Variants in CST4 observed in about 807,000 individuals in gnomAD.
The protein encoded by CST4 is cystatin-S.
CST4 carries 17 observed loss-of-function variants against 11.2 expected under a neutral mutation model. The ratio of observed to expected loss-of-function variants is 1.52; its 90% CI spans 1.04 to 2.27. CST4 has a LOEUF of 2.27. Ranked by LOEUF, CST4 falls within the 30% of genes most tolerant of loss-of-function variation. CST4 has a pLI of 0.00. For missense variants in CST4, 251 were observed against 180.2 expected (o/e 1.39, Z -2.25); for synonymous variants, 93 against 70.1 (o/e 1.33, Z -1.63).
rs1268946547 is a variant in CST4, at chr20:23,688,243, GGCCTGCAGGGGTGGGTCA to G, written c.228+481_228+498del. Among the ~76,000 whole-genome samples, 14 of 152,228 alleles carry G rather than the reference GGCCTGCAGGGGTGGGTCA, an allele frequency of 9.2e-5. 1 individual carries two copies. Among genetic ancestry groups the G allele is most frequent in the African/African-American group, 3.4e-4 (14 of 41,472 alleles). Reference sequence around the variant, plus strand: ...ACCCCAGCAGGGACTCAGCCATCCTGGCCTGCAGGGGTGGGTCAGCCTGCCTGAGGGTGAAGGCCACTA... The same window carrying G: ...ACCCCAGCAGGGACTCAGCCATCCTGGCCTGCCTGAGGGTGAAGGCCACTA... On this transcript the variant is annotated intron_variant, in intron 1 of 2. Transcript: ENST00000217423.
chr20:23,687,513 C>T (rs1316941252), intron 1 of CST4, among the ~76,000 whole-genome samples: 3 of 152,174 alleles, frequency 2.0e-5, no homozygotes, highest in Admixed American at 6.5e-5. Flanking sequence ...AGCTAACTCA[C>T]GAAAATCTTA....
chr20:23,686,809 C>T (rs1490132370), intron 2 of CST4, among the ~76,000 whole-genome samples: 1 of 152,072 alleles, frequency 6.6e-6, no homozygotes, highest in Non-Finnish European at 1.5e-5. Flanking sequence ...ATGTACAAAC[C>T]CCCATACTTC....
At position 23,685,880 on chromosome 20, in the gene CST4, C is replaced by T. The variant is rs1356292213; in HGVS notation, c.*14G>A. On this transcript the variant is annotated 3_prime_UTR_variant, in exon 3 of 3. Transcript: ENST00000217423. Reference sequence around the variant, plus strand: ...AGTGGGTGGTGGTCGGTGTGACTGGCCTGGCACAGACCCCTAGGCTTCTTG... The same window carrying T: ...AGTGGGTGGTGGTCGGTGTGACTGGTCTGGCACAGACCCCTAGGCTTCTTG... 2 of 1,613,480 alleles carry T rather than the reference C, an allele frequency of 1.2e-6. No homozygotes were observed. The highest frequency in any genetic ancestry group is 1.3e-5 in the African/African-American group (1 of 74,902).
chr20:23,686,961 T>C (rs1223037396), intron 2 of CST4, 127 bp downstream of exon 2: 15 of 924,790 alleles, frequency 1.6e-5, no homozygotes, highest in Non-Finnish European at 2.6e-5. Flanking sequence ...TACACATCCA[T>C]GCATACACGG....
rs1981018183 is a variant in CST4 at position 23,685,800 on chromosome 20, C to A, written c.*94G>T. ...CTCTTGGCACAGGCACATGGGGAGG[C>A]CTCCCGCAGGGTGGGGGCCACCAGT... On this transcript the variant is annotated 3_prime_UTR_variant, in exon 3 of 3. Coordinates refer to ENST00000217423, the MANE Select transcript of CST4 (RefSeq NM_001899.3). The A allele has an allele frequency of 1.5e-6, 2 of 1,329,010 alleles. No homozygotes were observed. The highest frequency in any genetic ancestry group is 1.9e-5 in the Admixed American group (1 of 53,948). The allele number at this position is 1,329,010 out of a possible 1,614,324, so 82.3% of individuals were successfully genotyped here.
Sources: allele counts gnomAD v4.1 joint callset (sites outside exome capture counted in the v4.1 genomes callset), GRCh38; gene constraint gnomAD v4.1.1; transcripts MANE v1.5; gene names NCBI Gene and HGNC (gene_info 2026-07-23, HGNC 2026-07-21).